The following STPG2 variants were observed in gnomAD, a reference collection of about 807,000 sequenced individuals.
STPG2 encodes sperm-tail PG-rich repeat-containing protein 2.
A neutral mutation model predicts 54.2 loss-of-function variants in STPG2; 56 were observed. The ratio of observed to expected loss-of-function variants is 1.03; its 90% CI spans 0.83 to 1.29. STPG2 has a LOEUF of 1.29. Ranked by LOEUF, STPG2 falls within the 50% of genes most tolerant of loss-of-function variation. The pLI is 0.00. For synonymous variants in STPG2, 200 were observed against 181.8 expected, an observed-to-expected ratio of 1.10 and a Z score of -0.81; for missense variants, 596 against 544.9, an observed-to-expected ratio of 1.09 and a Z score of -0.93.
intron 5 of STPG2, among the ~76,000 whole-genome samples, chr4:98,009,965 T>G (rs1454790588): frequency 6.6e-6 from 1 of 152,218 alleles, no homozygotes; most frequent in Middle Eastern, 3.4e-3. Context: ...CTTTTTCATT[T>G]CTGATTATAT....
chr4:97,592,612 C>A (rs934298420), intron 10 of STPG2, among the ~76,000 whole-genome samples: 28 of 152,072 alleles, frequency 1.8e-4, no homozygotes, highest in African/African-American at 6.5e-4. Flanking sequence ...GACTGGTACA[C>A]TCCAAGCAGA....
chr4:98,077,383 C>CA (rs770886682), intron 5 of STPG2, among the ~76,000 whole-genome samples: 22 of 152,112 alleles, frequency 1.4e-4, no homozygotes, highest in Non-Finnish European at 2.5e-4. Flanking sequence ...GCTGGGACTA[C>CA]AGGCGCGTAC....
intron 8 of STPG2, among the ~76,000 whole-genome samples, chr4:97,901,162 T>C (rs1731162301): frequency 6.6e-6 from 1 of 151,942 alleles, no homozygotes; most frequent in Non-Finnish European, 1.5e-5. Context: ...TATATCATTG[T>C]GTCCCATAAC....
At chr4:97,714,607 C>A (rs1724233105) in intron 9 of STPG2, among the ~76,000 whole-genome samples, 1 of 152,018 alleles carries the variant, frequency 6.6e-6, no homozygotes, top group Non-Finnish European at 1.5e-5. Context: ...GCATGCACAA[C>A]TTTGGAATAA....
intron 4 of STPG2, among the ~76,000 whole-genome samples, chr4:97,541,112 C>T (rs1340544842): frequency 1.3e-5 from 2 of 152,226 alleles, no homozygotes; most frequent in African/African-American, 4.8e-5. Context: ...GTTGGAAGTT[C>T]CGGCCAGGGC....
At chr4:97,839,455 T>A (rs1728730505) in intron 9 of STPG2, among the ~76,000 whole-genome samples, 1 of 151,662 alleles carries the variant, frequency 6.6e-6, no homozygotes, top group African/African-American at 2.4e-5. Context: ...TCAGGAAATA[T>A]GATACTCAAC....
Position 98,116,842 on chromosome 4 carries a change from A to G in STPG2, c.388-7537T>C, listed in dbSNP as rs531509760. ...TTATATTATCCTTACTTTTCATGTT[A>G]CCAGAATTAATCTGGTTCTTCAAAA... On this transcript the variant is annotated intron_variant, in intron 3 of 10. Transcript: ENST00000295268. Among the ~76,000 whole-genome samples, 6 of 152,046 alleles carry G rather than the reference A, an allele frequency of 3.9e-5. No homozygotes were observed. In the East Asian group the frequency reaches 1.2e-3, roughly 29 times the overall value.
chr4:97,924,656 C>T (rs1313833471), intron 8 of STPG2, among the ~76,000 whole-genome samples: 6 of 152,100 alleles, frequency 3.9e-5, no homozygotes, highest in Admixed American at 1.3e-4. Context: ...ATATGTTCAT[C>T]TTAAGATGAT....
intron 4 of STPG2, among the ~76,000 whole-genome samples, chr4:97,451,231 T>A (rs187257461): frequency 6.6e-6 from 1 of 152,214 alleles, no homozygotes; most frequent in East Asian, 1.9e-4. Flanking sequence ...GAGAAGTGAA[T>A]GTATCTGTCT....
intron 10 of STPG2, among the ~76,000 whole-genome samples, chr4:97,599,198 C>T (rs1204879347): frequency 6.6e-6 from 1 of 152,030 alleles, no homozygotes; most frequent in Non-Finnish European, 1.5e-5. Flanking sequence ...TCTAAACCAC[C>T]ATCTCACACC....
intron 4 of STPG2, among the ~76,000 whole-genome samples, chr4:97,512,945 C>T (rs1731003320): frequency 6.6e-6 from 1 of 152,030 alleles, no homozygotes. Context: ...ACACTATCTA[C>T]CTGGAGAGCA....
chr4:97,537,119 G>A (rs527884595), intron 4 of STPG2, among the ~76,000 whole-genome samples: 2 of 152,182 alleles, frequency 1.3e-5, no homozygotes, highest in African/African-American at 2.4e-5. Context: ...CAGTGTGAGC[G>A]ATGCAGAAGA....
chr4:97,707,301 A>T (rs1255301737), intron 10 of STPG2, among the ~76,000 whole-genome samples: 1 of 152,078 alleles, frequency 6.6e-6, no homozygotes, highest in Non-Finnish European at 1.5e-5. Context: ...AGGCAGTTGG[A>T]TTGCTTCCAG....
At chr4:97,561,290 A>T (rs1465747591) in intron 10 of STPG2, among the ~76,000 whole-genome samples, 1 of 151,674 alleles carries the variant, frequency 6.6e-6, no homozygotes, top group Non-Finnish European at 1.5e-5. Context: ...CCACTTTTTG[A>T]TGGGGTTGTT....
At chr4:97,777,426 A>G (rs944507555) in intron 9 of STPG2, among the ~76,000 whole-genome samples, 4 of 152,230 alleles carry the variant, frequency 2.6e-5, no homozygotes, top group African/African-American at 4.8e-5. Flanking sequence ...GCAGCATAAA[A>G]TTGAGCCAAA....
intron 5 of STPG2, among the ~76,000 whole-genome samples, chr4:98,052,351 T>C (rs537113592): frequency 1.3e-5 from 2 of 152,288 alleles, no homozygotes; most frequent in Admixed American, 1.3e-4. Flanking sequence ...ACTTTAGTCT[T>C]GTATTACAAT....
At chr4:97,981,833 T>TTATATATATATATATATATA (rs3047345) in intron 5 of STPG2, among the ~76,000 whole-genome samples, 19 of 143,380 alleles carry the variant, frequency 1.3e-4, no homozygotes, top group African/African-American at 4.9e-4. Context: ...TATAAAATGT[T>TTATATATATATATATATATA]TATATATATA....
chr4:97,695,182 G>A (rs1723528665), intron 10 of STPG2, among the ~76,000 whole-genome samples: 1 of 151,206 alleles, frequency 6.6e-6, no homozygotes, highest in South Asian at 2.1e-4. Context: ...ATGCAGGAAT[G>A]GTTTAATATC....
intron 9 of STPG2, among the ~76,000 whole-genome samples, chr4:97,750,481 A>G (rs1725550572): frequency 6.6e-6 from 1 of 151,878 alleles, no homozygotes; most frequent in African/African-American, 2.4e-5. Flanking sequence ...AAAATGGGAA[A>G]GAGAAGCATA....
Sources: allele counts gnomAD v4.1 joint callset (sites outside exome capture counted in the v4.1 genomes callset), GRCh38; gene constraint gnomAD v4.1.1; transcripts MANE v1.5; gene names NCBI Gene and HGNC (gene_info 2026-07-23, HGNC 2026-07-21).